MRTFA: variants seen among roughly 807,000 people sequenced by gnomAD.
The protein encoded by MRTFA is myocardin-related transcription factor A.
MRTFA carries 20 observed loss-of-function variants against 83.5 expected under a neutral mutation model. That is an observed-to-expected ratio of 0.24 (90% confidence interval 0.17 to 0.35). MRTFA has a LOEUF of 0.35. Among genes scored for constraint, MRTFA ranks in the 10% least tolerant of loss-of-function variants. The pLI is 1.00. For missense variants in MRTFA, 1,200 were observed against 1,224.7 expected (o/e 0.98, Z 0.30); for synonymous variants, 659 against 541.2 (o/e 1.22, Z -3.02).
intron 1 of MRTFA, among the ~76,000 whole-genome samples, chr22:40,621,510 T>C (rs939810767): frequency 6.6e-6 from 1 of 152,138 alleles, no homozygotes; most frequent in African/African-American, 2.4e-5. Flanking sequence ...AGCTTCAGTT[T>C]TGCAAGATAA....
chr22:40,565,407 C>A (rs1457070566), intron 2 of MRTFA, among the ~76,000 whole-genome samples: 1 of 152,136 alleles, frequency 6.6e-6, no homozygotes, highest in Non-Finnish European at 1.5e-5. Flanking sequence ...ATTAGCTGGG[C>A]ACGGTTGTGC....
intron 4 of MRTFA, among the ~76,000 whole-genome samples, chr22:40,435,799 G>A (rs2147101240): frequency 6.6e-6 from 1 of 152,200 alleles, no homozygotes; most frequent in South Asian, 2.1e-4. Context: ...AGGCGTGGTG[G>A]TGGTGGGCGC....
chr22:40,470,687 G>A (rs191883786), intron 3 of MRTFA, among the ~76,000 whole-genome samples: 8 of 151,832 alleles, frequency 5.3e-5, no homozygotes, highest in Admixed American at 2.6e-4. Context: ...GGTAGCTCAC[G>A]CCTGTAATCC....
intron 2 of MRTFA, among the ~76,000 whole-genome samples, chr22:40,573,363 T>C (rs1164228146): frequency 1.3e-5 from 2 of 152,176 alleles, no homozygotes; most frequent in Non-Finnish European, 2.9e-5. Flanking sequence ...CAAGCAATTC[T>C]CCTGCCTCAG....
At chr22:40,620,642 G>GT (rs2056511729) in intron 1 of MRTFA, among the ~76,000 whole-genome samples, 1 of 152,030 alleles carries the variant, frequency 6.6e-6, no homozygotes, top group Non-Finnish European at 1.5e-5. Context: ...AGTCAAGCAT[G>GT]TTGCAGGACA....
At chr22:40,558,090 CT>C (rs999185079) in intron 2 of MRTFA, among the ~76,000 whole-genome samples, 89 of 144,350 alleles carry the variant, frequency 6.2e-4, no homozygotes, top group Admixed American at 5.6e-4. Context: ...TTCTTTCTTT[CT>C]TTTTTTTTTT....
At chr22:40,562,333 T>C (rs1055414280) in intron 2 of MRTFA, among the ~76,000 whole-genome samples, 2 of 151,662 alleles carry the variant, frequency 1.3e-5, no homozygotes, top group Non-Finnish European at 2.9e-5. Flanking sequence ...AAAGCCATCC[T>C]GGACACCCCA....
In MRTFA at chr22:40,475,485, C is replaced by T. The variant is rs560368197; in HGVS notation, c.242-12199G>A. Among the ~76,000 whole-genome samples the T allele has an allele frequency of 3.3e-5, 5 of 151,320 alleles. No individual in the cohort carries two copies. The East Asian group carries it at 9.9e-4, about 30-fold the overall frequency. Reference sequence around the variant, plus strand: ...CTGGGAGGCGGAGGTTGCAGTGAGCCGAAATTGTGCCCCTGCACTCCAGCC... The same window carrying T: ...CTGGGAGGCGGAGGTTGCAGTGAGCTGAAATTGTGCCCCTGCACTCCAGCC... On this transcript the variant is annotated intron_variant, in intron 3 of 14. Coordinates refer to ENST00000355630, the MANE Select transcript of MRTFA (RefSeq NM_020831.6).
chr22:40,412,153 C>A (rs1479116167), intron 14 of MRTFA: 2 of 350,372 alleles, frequency 5.7e-6, no homozygotes, highest in Non-Finnish European at 1.0e-5. Flanking sequence ...AAAAACCAAA[C>A]TTGACTCAAG....
intron 3 of MRTFA, among the ~76,000 whole-genome samples, chr22:40,493,776 C>T (rs946687310): frequency 6.6e-6 from 1 of 152,196 alleles, no homozygotes; most frequent in Admixed American, 6.5e-5. Context: ...TATAAATTTA[C>T]ACTTACCATA....
intron 3 of MRTFA, among the ~76,000 whole-genome samples, chr22:40,480,141 G>A (rs918189606): frequency 8.5e-5 from 13 of 152,242 alleles, no homozygotes; most frequent in East Asian, 1.9e-4. Context: ...GGTTTAGACC[G>A]ATTAAGCAAC....
chr22:40,476,291 C>T (rs1218503902), intron 3 of MRTFA, among the ~76,000 whole-genome samples: 1 of 152,094 alleles, frequency 6.6e-6, no homozygotes, highest in African/African-American at 2.4e-5. Context: ...TGTCCTGATA[C>T]AGCCTAAAAA....
At chr22:40,502,724 C>G (rs1225115774) in intron 3 of MRTFA, among the ~76,000 whole-genome samples, 1 of 151,688 alleles carries the variant, frequency 6.6e-6, no homozygotes, top group Middle Eastern at 3.4e-3. Flanking sequence ...CCCTCGGGCC[C>G]CGCGGGGCCC....
chr22:40,629,724 C>T (rs929247330), intron 1 of MRTFA, among the ~76,000 whole-genome samples: 1 of 143,276 alleles, frequency 7.0e-6, no homozygotes, highest in African/African-American at 2.6e-5. Context: ...TGCAGTGAGC[C>T]GAGATCCCGC....
intron 2 of MRTFA, 58 bp from the exon 3 acceptor site, chr22:40,552,425 G>GGTGT (rs1490041802): frequency 1.0e-5 from 4 of 396,008 alleles, no homozygotes; most frequent in African/African-American, 8.2e-5. Context: ...ATGGTTTGGT[G>GGTGT]GTGTCCTCAC....
chr22:40,465,086 T>C (rs1487403343), intron 3 of MRTFA, among the ~76,000 whole-genome samples: 8 of 152,216 alleles, frequency 5.3e-5, no homozygotes, highest in African/African-American at 1.9e-4. Flanking sequence ...TGGAAATGCC[T>C]ACCCTGTTCA....
chr22:40,503,762 A>G (rs910511973), intron 3 of MRTFA, among the ~76,000 whole-genome samples: 1 of 152,126 alleles, frequency 6.6e-6, no homozygotes, highest in Non-Finnish European at 1.5e-5. Context: ...CCCTATCTCT[A>G]CTAAAAATAC....
intron 3 of MRTFA, among the ~76,000 whole-genome samples, chr22:40,538,499 C>T (rs2055228658): frequency 6.7e-6 from 1 of 150,230 alleles, no homozygotes; most frequent in Non-Finnish European, 1.5e-5. Context: ...TGCTGACCTT[C>T]CCTCCACTAT....
intron 3 of MRTFA, among the ~76,000 whole-genome samples, chr22:40,512,699 G>T (rs1453318296): frequency 6.6e-6 from 1 of 152,224 alleles, no homozygotes; most frequent in Non-Finnish European, 1.5e-5. Flanking sequence ...TAGTCCCAAG[G>T]GATAATTAGC....
Sources: gnomAD v4.1 joint callset for allele counts (sites outside exome capture counted in the v4.1 genomes callset) on GRCh38, gnomAD v4.1.1 for gene constraint, MANE v1.5 for transcripts, NCBI Gene and HGNC (gene_info 2026-07-23, HGNC 2026-07-21) for gene names.